Variants in PTPA observed in about 807,000 individuals in gnomAD.
PTPA encodes serine/threonine-protein phosphatase 2A activator.
A neutral mutation model predicts 43.6 loss-of-function variants in PTPA; 13 were observed. The observed-to-expected ratio is 0.30, with a 90% CI of 0.19 to 0.47. The LOEUF is 0.47. Ranked by LOEUF, PTPA falls within the 20% of genes least tolerant of loss-of-function variation. The pLI is 0.99. For synonymous variants in PTPA, 172 were observed against 158.2 expected, an observed-to-expected ratio of 1.09 and a Z score of -0.66; for missense variants, 329 against 411.9, an observed-to-expected ratio of 0.80 and a Z score of 1.74.
At chr9:129,136,705 A>G (rs1850396277) in intron 7 of PTPA, 110 bp downstream of exon 7, 2 of 1,316,948 alleles carry the variant, frequency 1.5e-6, no homozygotes, top group Non-Finnish European at 2.0e-6. Flanking sequence ...CCCAGGGCAG[A>G]CAGTGACAGC....
chr9:129,142,946 A>G, intron 9 of PTPA: 1 of 1,426,390 alleles, frequency 7.0e-7, no homozygotes, highest in African/African-American at 1.4e-5. Flanking sequence ...TACCCTTTGG[A>G]GGCATCTCCA....
At chr9:129,130,511 A>G (rs1175713563) in intron 4 of PTPA, among the ~76,000 whole-genome samples, 1 of 150,514 alleles carries the variant, frequency 6.6e-6, no homozygotes, top group Non-Finnish European at 1.5e-5. Context: ...GTCCTGCCTC[A>G]GCCTCCCAAG....
At chr9:129,123,007 T>C in intron 2 of PTPA, 45 bp from the exon 3 acceptor site, 1 of 1,420,750 alleles carries the variant, frequency 7.0e-7, no homozygotes, top group Non-Finnish European at 9.6e-7. Flanking sequence ...GGCGGGGGGG[T>C]CTGCCACCCC....
At position 129,147,548 on chromosome 9, in the gene PTPA, C is replaced by A; in HGVS notation, c.*84C>A. On this transcript the variant is annotated 3_prime_UTR_variant, in exon 10 of 10. Transcript: ENST00000393370. ...CAGCAGTGGCCCCTCCCCATCCCCT[C>A]CCTCTGTTCGTCCCGTTTGATGAGA... 7.2e-7 allele frequency: 1 copy of A among 1,397,146 alleles called. No homozygotes were observed. 86.5% of individuals were successfully genotyped at this position (1,397,146 alleles called of 1,614,324 possible). A position where few individuals can be genotyped will look rare whatever the true frequency, so the allele number is the denominator to read the frequency against.
intron 9 of PTPA, 147 bp downstream of exon 9, chr9:129,142,699 TG>T: frequency 1.3e-6 from 2 of 1,543,264 alleles, no homozygotes; most frequent in Non-Finnish European, 1.7e-6. Context: ...CTCTGACACT[TG>T]GGGCCTCGGA....
At chr9:129,128,582 A>G (rs1220134469) in intron 3 of PTPA, among the ~76,000 whole-genome samples, 1 of 151,800 alleles carries the variant, frequency 6.6e-6, no homozygotes, top group East Asian at 1.9e-4. Context: ...TGGCAGGATT[A>G]CTGGTCATTT....
In PTPA at chr9:129,111,544, A is replaced by C; in HGVS notation, c.-57A>C. On this transcript the variant is annotated 5_prime_UTR_variant, in exon 1 of 10. Transcript: ENST00000393370. ...GCCGGGGAGAGGAAGGGTGGGTGCA[A>C]GAGTGAAAGGCGAGAGGGGACTGCA... 7.8e-7 allele frequency: 1 copy of C among 1,288,790 alleles called. No homozygotes were observed. The highest frequency in any genetic ancestry group is 2.7e-5 in the South Asian group (1 of 36,654). The allele number at this position is 1,288,790 out of a possible 1,614,324, so 79.8% of individuals were successfully genotyped here.
intron 4 of PTPA, among the ~76,000 whole-genome samples, chr9:129,129,387 G>T (rs967213011): frequency 6.6e-6 from 1 of 152,104 alleles, no homozygotes; most frequent in Non-Finnish European, 1.5e-5. Flanking sequence ...GTATCCATCT[G>T]TAGGGGATTA....
At chr9:129,121,480 G>A (rs1368012047) in intron 2 of PTPA, among the ~76,000 whole-genome samples, 1 of 152,184 alleles carries the variant, frequency 6.6e-6, no homozygotes, top group Non-Finnish European at 1.5e-5. Context: ...TTCAGCCTAG[G>A]GGGCAGCTTG....
chr9:129,141,618 TGCTG>T (rs1351918670), intron 8 of PTPA: 1 of 152,330 alleles, frequency 6.6e-6, no homozygotes, highest in Non-Finnish European at 1.5e-5. Flanking sequence ...GGGAACTTCA[TGCTG>T]GCTGCAGAAT....
intron 3 of PTPA, among the ~76,000 whole-genome samples, chr9:129,126,930 C>T (rs868370761): frequency 2.6e-5 from 4 of 152,154 alleles, no homozygotes; most frequent in Admixed American, 1.3e-4. Flanking sequence ...TTCAGTGCCT[C>T]GCCTAAGACT....
chr9:129,143,515 G>C (rs1289563061), intron 9 of PTPA: 3 of 693,262 alleles, frequency 4.3e-6, no homozygotes, highest in Non-Finnish European at 7.9e-6. Context: ...CATCAGCAGA[G>C]GCGGGACAAC....
intron 3 of PTPA, among the ~76,000 whole-genome samples, chr9:129,125,431 T>C (rs1254936875): frequency 6.6e-6 from 1 of 152,118 alleles, no homozygotes; most frequent in Non-Finnish European, 1.5e-5. Context: ...TTTGTATTTT[T>C]AGTAGAGACG....
At position 129,123,055 on chromosome 9, in the gene PTPA, T is replaced by C. The variant is rs1416260146; in HGVS notation, c.133T>C (p.Tyr45His). The change falls in exon 3 of 10, where the codon TAC (tyrosine) becomes CAC (histidine). Residue 45 changes from tyrosine (Y) to histidine (H), a missense_variant. Coordinates refer to ENST00000393370, the MANE Select transcript of PTPA (RefSeq NM_178000.3). ...CATTCTCCTCTCTGTTTGGTAGGCA[T>C]ACGCTGACTACATCGGATTCATCCT... ...DMGKWKRSQA[Y>H]ADYIGFILTL... 1.2e-6 allele frequency: 2 copies of C among 1,607,862 alleles called. No homozygotes were observed. The highest frequency in any genetic ancestry group is 1.3e-5 in the African/African-American group (1 of 74,818).
intron 8 of PTPA, chr9:129,138,085 T>G (rs1426540219): frequency 3.5e-6 from 1 of 284,648 alleles, no homozygotes; most frequent in East Asian, 8.5e-5. Flanking sequence ...ATGTGTAAAA[T>G]GAAACCACCA....
chr9:129,142,786 C>G (rs1177040606), intron 9 of PTPA: 4 of 1,535,934 alleles, frequency 2.6e-6, no homozygotes, highest in Non-Finnish European at 3.5e-6. Context: ...CCAGCTCTGT[C>G]CTGATGAGCT....
At chr9:129,145,787 ACC>A (rs1851258175) in intron 9 of PTPA, among the ~76,000 whole-genome samples, 1 of 151,980 alleles carries the variant, frequency 6.6e-6, no homozygotes, top group Admixed American at 6.6e-5. Flanking sequence ...CTTCAGAAGG[ACC>A]TTGTCAGGAC....
rs1433937955 is a variant in PTPA at position 129,122,933 on chromosome 9, C to G, written c.130-119C>G. 2.4e-5 allele frequency: 17 copies of G among 717,916 alleles called. No individual in the cohort carries two copies. In the Admixed American group the frequency reaches 3.7e-4, roughly 15 times the overall value. The allele number at this position is 717,916 out of a possible 1,614,324, so 44.5% of individuals were successfully genotyped here. A position where few individuals can be genotyped will look rare whatever the true frequency, so the allele number is the denominator to read the frequency against. On this transcript the variant is annotated intron_variant, in intron 2 of 9. Coordinates refer to ENST00000393370, the MANE Select transcript of PTPA (RefSeq NM_178000.3). ...CTTCTCCTGCTATTGGGTTGGGAGT[C>G]AGGGTCAGGAGAAGTAGAAAGCTCG...
chr9:129,113,490 C>T (rs1486973549), intron 1 of PTPA, among the ~76,000 whole-genome samples: 17 of 151,666 alleles, frequency 1.1e-4, no homozygotes, highest in Admixed American at 8.6e-4. Context: ...GTGATGACTC[C>T]GGGCACAGTG....
Sources: allele counts gnomAD v4.1 joint callset (sites outside exome capture counted in the v4.1 genomes callset), GRCh38; gene constraint gnomAD v4.1.1; transcripts MANE v1.5; gene names NCBI Gene and HGNC (gene_info 2026-07-23, HGNC 2026-07-21).